Variants in DACH1 observed in about 807,000 individuals in gnomAD.
DACH1 encodes the protein dachshund homolog 1.
In DACH1, 12 loss-of-function variants were observed where a neutral mutation model predicts 54.2. The ratio of observed to expected loss-of-function variants is 0.22; its 90% confidence interval spans 0.14 to 0.36. DACH1 has a LOEUF of 0.36. DACH1 is among the 10% of genes least tolerant of loss of function. The pLI is 1.00. For missense variants in DACH1, 805 were observed against 929.8 expected (o/e 0.87, Z 1.75); for synonymous variants, 386 against 366.2 (o/e 1.05, Z -0.62).
At chr13:71,521,850 T>C (rs1283270126) in intron 6 of DACH1, among the ~76,000 whole-genome samples, 1 of 152,122 alleles carries the variant, frequency 6.6e-6, no homozygotes, top group Non-Finnish European at 1.5e-5. Flanking sequence ...TTAAACACCA[T>C]ACTGTCCATA....
chr13:71,505,400 A>G (rs1049054334), intron 6 of DACH1, among the ~76,000 whole-genome samples: 2 of 152,186 alleles, frequency 1.3e-5, no homozygotes. Context: ...TCTTAATAGT[A>G]TATTTAGAAG....
intron 1 of DACH1, among the ~76,000 whole-genome samples, chr13:71,710,511 A>T (rs1244738985): frequency 6.7e-6 from 1 of 150,098 alleles, no homozygotes; most frequent in East Asian, 2.0e-4. Flanking sequence ...TGTGTGTGTG[A>T]TGAACAGGAG....
At position 71,485,646 on chromosome 13, in the gene DACH1, G is replaced by A. The variant is rs375605620; in HGVS notation, c.1722+3351C>T. 2.3e-3 allele frequency among the ~76,000 whole-genome samples: 302 copies of A among 130,896 alleles called. 2 individuals are homozygous for A. The highest frequency in any genetic ancestry group is 8.2e-3 in the African/African-American group (294 of 35,660). The allele number at this position is 130,896 out of a possible 152,430, so 85.9% of individuals were successfully genotyped here. A position where few individuals can be genotyped will look rare whatever the true frequency, so the allele number is the denominator to read the frequency against. On this transcript the variant is annotated intron_variant, in intron 7 of 10. Coordinates refer to ENST00000613252, the MANE Select transcript of DACH1 (RefSeq NM_080759.6). ...TGTCGCCAGGCTGGAGTGCAGTGGC[G>A]CAATCTTGGCTCTGCAACCTCTGCC...
At chr13:71,507,796 TA>T (rs1457435712) in intron 6 of DACH1, among the ~76,000 whole-genome samples, 1 of 152,190 alleles carries the variant, frequency 6.6e-6, no homozygotes, top group Non-Finnish European at 1.5e-5. Flanking sequence ...GAAATGTATA[TA>T]ATTTATTATC....
intron 6 of DACH1, among the ~76,000 whole-genome samples, chr13:71,519,882 A>AGT (rs1403908060): frequency 0.035 from 1,219 of 35,206 alleles, 291 homozygotes; most frequent in Middle Eastern, 0.083. Flanking sequence ...AAACCAAAGT[A>AGT]GTATATATAT....
intron 1 of DACH1, among the ~76,000 whole-genome samples, chr13:71,769,925 T>G (rs888017163): frequency 6.6e-6 from 1 of 151,740 alleles, no homozygotes; most frequent in Non-Finnish European, 1.5e-5. Flanking sequence ...ATGGACAATA[T>G]TCTTTTGCCC....
intron 1 of DACH1, among the ~76,000 whole-genome samples, chr13:71,750,324 G>A (rs1884870718): frequency 6.6e-6 from 1 of 151,940 alleles, no homozygotes; most frequent in East Asian, 1.9e-4. Context: ...CCTAATCCTT[G>A]GACTAAGAAA....
intron 1 of DACH1, among the ~76,000 whole-genome samples, chr13:71,708,916 G>A (rs1594122007): frequency 6.9e-6 from 1 of 145,024 alleles, no homozygotes; most frequent in East Asian, 2.1e-4. Context: ...GCAGTGGCGC[G>A]ATCTCGGCTC....
rs187645434 is a variant in DACH1 at position 71,676,014 on chromosome 13, A to G, written c.964+5781T>C. Among the ~76,000 whole-genome samples, 117 of 152,350 alleles carry G rather than the reference A, an allele frequency of 7.7e-4. 1 individual carries two copies. Among genetic ancestry groups the G allele is most frequent in the South Asian group, 2.9e-3 (14 of 4,828 alleles). On this transcript the variant is annotated intron_variant, in intron 2 of 10. Coordinates refer to ENST00000613252, the MANE Select transcript of DACH1 (RefSeq NM_080759.6). ...ACTATAAAAAAAATACAAACATTGT[A>G]TAAACATCAAGTGTTTAAATAGTAA... is the stretch of plus-strand genomic sequence containing the variant.
intron 1 of DACH1, among the ~76,000 whole-genome samples, chr13:71,746,821 T>C (rs2137963066): frequency 6.6e-6 from 1 of 152,274 alleles, no homozygotes; most frequent in African/African-American, 2.4e-5. Context: ...TAAGTATAAG[T>C]CAAAGCTATG....
intron 6 of DACH1, among the ~76,000 whole-genome samples, chr13:71,503,951 T>C (rs1168590819): frequency 2.0e-5 from 3 of 152,198 alleles, no homozygotes; most frequent in Admixed American, 2.0e-4. Context: ...AGTGTATGTT[T>C]ATGTCATTGT....
At chr13:71,688,542 TTA>T (rs1881304389) in intron 1 of DACH1, among the ~76,000 whole-genome samples, 1 of 152,342 alleles carries the variant, frequency 6.6e-6, no homozygotes, top group Non-Finnish European at 1.5e-5. Flanking sequence ...GTTTGGACTT[TTA>T]GTGTTCTCTG....
intron 6 of DACH1, among the ~76,000 whole-genome samples, chr13:71,492,004 T>C (rs1055090686): frequency 6.6e-6 from 1 of 152,192 alleles, no homozygotes; most frequent in African/African-American, 2.4e-5. Flanking sequence ...TACATATTTC[T>C]AAGCTTATCT....
intron 4 of DACH1, among the ~76,000 whole-genome samples, chr13:71,570,242 G>A (rs1885115954): frequency 6.6e-6 from 1 of 152,080 alleles, no homozygotes; most frequent in Non-Finnish European, 1.5e-5. Context: ...TTTTTATCAG[G>A]TTATGTGGAT....
intron 1 of DACH1, among the ~76,000 whole-genome samples, chr13:71,708,468 G>T (rs2138770748): frequency 6.6e-6 from 1 of 151,852 alleles, no homozygotes; most frequent in South Asian, 2.1e-4. Context: ...TTTTATTTTG[G>T]GCTAAAATAC....
chr13:71,742,107 T>G (rs1479850071), intron 1 of DACH1, among the ~76,000 whole-genome samples: 1 of 152,130 alleles, frequency 6.6e-6, no homozygotes, highest in African/African-American at 2.4e-5. Context: ...TTATCAGGGG[T>G]TTCCGCTTTT....
chr13:71,597,911 G>T (rs1192672667), intron 3 of DACH1, among the ~76,000 whole-genome samples: 1 of 152,010 alleles, frequency 6.6e-6, no homozygotes, highest in Non-Finnish European at 1.5e-5. Flanking sequence ...GAGCCCAGGA[G>T]TTCCAGAGTA....
rs115586399 is a variant in DACH1, at chr13:71,737,788, G to A, written c.849-55878C>T. On this transcript the variant is annotated intron_variant, in intron 1 of 10. Coordinates refer to ENST00000613252, the MANE Select transcript of DACH1 (RefSeq NM_080759.6). ...AACTAGAGGCAATAGGAATGGTGAA[G>A]TTGAGAGAAAATGAAGTTATAATCA... Among the ~76,000 whole-genome samples the A allele has an allele frequency of 7.6e-3, 1,159 of 152,258 alleles. 17 individuals are homozygous for A. Among genetic ancestry groups the A allele is most frequent in the African/African-American group, 0.026 (1,094 of 41,546 alleles).
At chr13:71,527,801 C>T (rs921604943) in intron 6 of DACH1, among the ~76,000 whole-genome samples, 5 of 151,998 alleles carry the variant, frequency 3.3e-5, no homozygotes, top group South Asian at 2.1e-4. Context: ...GCTATATTGG[C>T]TTTTACTTAT....
Sources: allele counts gnomAD v4.1 joint callset (sites outside exome capture counted in the v4.1 genomes callset), GRCh38; gene constraint gnomAD v4.1.1; transcripts MANE v1.5; gene names NCBI Gene and HGNC (gene_info 2026-07-23, HGNC 2026-07-21).